Variants in MRTFB observed in about 807,000 individuals in gnomAD.
MRTFB encodes the protein myocardin related transcription factor B, also known as myocardin-related transcription factor B.
A neutral mutation model predicts 104.2 loss-of-function variants in MRTFB; 29 were observed. The ratio of observed to expected loss-of-function variants is 0.28; its 90% CI spans 0.21 to 0.38. MRTFB has a LOEUF of 0.38. MRTFB is among the 10% of genes least tolerant of loss of function. MRTFB has a pLI of 1.00. For synonymous variants in MRTFB, 535 were observed against 519.5 expected, an observed-to-expected ratio of 1.03 and a Z score of -0.41; for missense variants, 1,270 against 1,341.6, an observed-to-expected ratio of 0.95 and a Z score of 0.83.
intron 15 of MRTFB, among the ~76,000 whole-genome samples, chr16:14,255,267 A>G (rs560302259): frequency 1.3e-5 from 2 of 152,374 alleles, no homozygotes; most frequent in East Asian, 3.8e-4. Context: ...ATGTTCACAA[A>G]TAGGATGAAA....
chr16:14,260,177 A>G (rs30124), intron 16 of MRTFB, among the ~76,000 whole-genome samples: 8,909 of 152,264 alleles, frequency 0.059, 529 homozygotes, highest in East Asian at 0.3. Context: ...AAGCTCAGAA[A>G]ACAAGACCAA....
At chr16:14,076,978 A>G (rs2034101418) in intron 1 of MRTFB, among the ~76,000 whole-genome samples, 1 of 151,964 alleles carries the variant, frequency 6.6e-6, no homozygotes, top group African/African-American at 2.4e-5. Flanking sequence ...TTTCTTTTGG[A>G]TTGCTTTTTC....
At chr16:14,142,997 T>G (rs1051732450) in intron 3 of MRTFB, 1 of 152,184 alleles carries the variant, frequency 6.6e-6, no homozygotes, top group Non-Finnish European at 1.5e-5. Context: ...ACCATCCTAC[T>G]CAAAGTCTAT....
At chr16:14,186,325 C>T (rs892418844) in intron 3 of MRTFB, among the ~76,000 whole-genome samples, 2 of 152,184 alleles carry the variant, frequency 1.3e-5, no homozygotes, top group African/African-American at 2.4e-5. Flanking sequence ...GAGATAAGAG[C>T]CGCTTCCTTC....
At chr16:14,069,709 T>C (rs2033582210), upstream of MRTFB, among the ~76,000 whole-genome samples, 1 of 152,176 alleles carries the variant, frequency 6.6e-6, no homozygotes, top group African/African-American at 2.4e-5. Context: ...CTAAAACTCC[T>C]AGGCTCAAGT....
At chr16:14,083,452 G>C (rs149624787) in intron 2 of MRTFB, among the ~76,000 whole-genome samples, 65 of 152,300 alleles carry the variant, frequency 4.3e-4, no homozygotes, top group African/African-American at 1.5e-3. Flanking sequence ...CTTCCACCTG[G>C]CTCCAGGACA....
At chr16:14,031,575 G>GT in the MRTFB span, among the ~76,000 whole-genome samples, 4 of 152,270 alleles carry the variant, frequency 2.6e-5, no homozygotes, top group East Asian at 7.7e-4. Context: ...CCAAGCGTAA[G>GT]TGGATTGGAT....
At chr16:14,087,261 A>G (rs1596755362) in intron 2 of MRTFB, among the ~76,000 whole-genome samples, 1 of 152,204 alleles carries the variant, frequency 6.6e-6, no homozygotes. Flanking sequence ...GCTTTGGGCC[A>G]TAAGTTCCAT....
intron 3 of MRTFB, chr16:14,151,311 C>T (rs1036518136): frequency 6.6e-6 from 1 of 152,156 alleles, no homozygotes; most frequent in Non-Finnish European, 1.5e-5. Context: ...ACATTCACAA[C>T]ATACCTAACT....
intron 2 of MRTFB, among the ~76,000 whole-genome samples, chr16:14,112,359 G>A (rs1281241713): frequency 6.6e-6 from 1 of 152,180 alleles, no homozygotes; most frequent in East Asian, 1.9e-4. Context: ...GAGGTGAGTG[G>A]CTGAGGAAGA....
the MRTFB span, among the ~76,000 whole-genome samples, chr16:14,004,229 G>A: frequency 6.6e-6 from 1 of 152,176 alleles, no homozygotes; most frequent in African/African-American, 2.4e-5. Context: ...ACAAGTAACC[G>A]GGGTGGAGGG....
intron 3 of MRTFB, among the ~76,000 whole-genome samples, chr16:14,196,121 G>C (rs544092922): frequency 6.6e-6 from 1 of 152,184 alleles, no homozygotes; most frequent in Admixed American, 6.5e-5. Flanking sequence ...AAAAGGAGAA[G>C]GGAATTTGTG....
At chr16:14,206,741 A>G (rs1171008760) in intron 3 of MRTFB, among the ~76,000 whole-genome samples, 1 of 152,056 alleles carries the variant, frequency 6.6e-6, no homozygotes, top group Non-Finnish European at 1.5e-5. Context: ...GGGTTTCACC[A>G]TGTTGGCCAG....
At chr16:14,141,562 G>GT (rs2037998237) in intron 3 of MRTFB, 2 of 152,084 alleles carry the variant, frequency 1.3e-5, no homozygotes, top group South Asian at 4.1e-4. Flanking sequence ...GTAAATTTCA[G>GT]TTTTTTAAAA....
intron 3 of MRTFB, chr16:14,143,481 A>G (rs779496255): frequency 7.9e-5 from 12 of 151,710 alleles, no homozygotes; most frequent in African/African-American, 1.2e-4. Context: ...GTATCTTTGA[A>G]TAAATCCCAT....
At chr16:14,257,650 T>C (rs1369479071) in intron 15 of MRTFB, among the ~76,000 whole-genome samples, 1 of 152,222 alleles carries the variant, frequency 6.6e-6, no homozygotes, top group Non-Finnish European at 1.5e-5. Context: ...ATTTTGTTTA[T>C]GGTTTCATGG....
intron 12 of MRTFB, chr16:14,247,794 G>A: frequency 2.8e-6 from 1 of 360,732 alleles, no homozygotes; most frequent in Non-Finnish European, 5.0e-6. Context: ...CGTGATCATT[G>A]TGATCATAGT....
chr16:14,017,048 GTCT>G, the MRTFB span, among the ~76,000 whole-genome samples: 361 of 135,694 alleles, frequency 2.7e-3, 1 homozygote, highest in African/African-American at 9.1e-3. Flanking sequence ...AGCTGCTGCA[GTCT>G]TCTTCTTTTT....
At chr16:14,200,176 T>A in intron 3 of MRTFB, 1 of 851,226 alleles carries the variant, frequency 1.2e-6, no homozygotes, top group Non-Finnish European at 1.8e-6. Flanking sequence ...CCAAAATGAA[T>A]GAGGATATTC....
Sources: gnomAD v4.1 joint callset for allele counts (sites outside exome capture counted in the v4.1 genomes callset) on GRCh38, gnomAD v4.1.1 for gene constraint, MANE v1.5 for transcripts, NCBI Gene and HGNC (gene_info 2026-07-23, HGNC 2026-07-21) for gene names.